The following ANO6 variants were observed in gnomAD, a reference collection of about 807,000 sequenced individuals.
ANO6 encodes the protein anoctamin-6.
In ANO6, 106 loss-of-function variants were observed where a neutral mutation model predicts 117.5. The observed-to-expected ratio is 0.90, with a 90% CI of 0.77 to 1.06. The LOEUF (loss-of-function observed/expected upper bound fraction) is 1.06. Among genes scored for constraint, ANO6 ranks in the 50% least tolerant of loss-of-function variants. ANO6 has a pLI of 0.00. For synonymous variants in ANO6, 367 were observed against 385.1 expected (o/e 0.95, Z 0.55); for missense variants, 955 against 1,121.1 (o/e 0.85, Z 2.12).
rs183729521 is a variant in ANO6 at position 45,303,762 on chromosome 12, G to A, written c.150+1669G>A. ...CTAGAATGCCCAGGGGTGGAACTCC[G>A]GGCTCACAGAATACATTTACCTTAT... On this transcript the variant is annotated intron_variant, in intron 2 of 19. Coordinates refer to ENST00000320560, the MANE Select transcript of ANO6 (RefSeq NM_001025356.3). Among the ~76,000 whole-genome samples, 1,019 of 152,258 alleles carry A rather than the reference G, an allele frequency of 6.7e-3. 4 individuals carry two copies. The highest frequency in any genetic ancestry group is 0.023 in the Admixed American group (347 of 15,290).
At chr12:45,423,606 C>T (rs1346388773) in intron 19 of ANO6, among the ~76,000 whole-genome samples, 3 of 152,116 alleles carry the variant, frequency 2.0e-5, no homozygotes, top group African/African-American at 7.2e-5. Flanking sequence ...TCTATGGTGG[C>T]TTAAATAAGG....
At chr12:45,322,048 CCCACCATGA>C (rs1565688939) in intron 2 of ANO6, among the ~76,000 whole-genome samples, 4 of 152,044 alleles carry the variant, frequency 2.6e-5, no homozygotes, top group Non-Finnish European at 4.4e-5. Flanking sequence ...GGCAGTTTTA[CCCACCATGA>C]CTTTTGCACC....
At chr12:45,399,410 T>G (rs12813734) in intron 12 of ANO6, among the ~76,000 whole-genome samples, 22,589 of 151,902 alleles carry the variant, frequency 0.15, 2,311 homozygotes, top group East Asian at 0.46. Flanking sequence ...TGGCCAGGCT[T>G]GTCTGGAACT....
intron 19 of ANO6, among the ~76,000 whole-genome samples, chr12:45,423,274 G>A (rs1376575832): frequency 2.0e-5 from 3 of 152,108 alleles, no homozygotes; most frequent in Non-Finnish European, 2.9e-5. Flanking sequence ...CATGTTATGC[G>A]CAAAGGGGAT....
At chr12:45,253,052 T>A (rs2137191988) in intron 1 of ANO6, among the ~76,000 whole-genome samples, 1 of 152,346 alleles carries the variant, frequency 6.6e-6, no homozygotes, top group South Asian at 2.1e-4. Flanking sequence ...GGTATAACAT[T>A]GTTTTATTAA....
rs577452915 is a variant in ANO6 at position 45,337,990 on chromosome 12, A to G, written c.279+6567A>G. Among the ~76,000 whole-genome samples the G allele has an allele frequency of 4.3e-4, 66 of 152,202 alleles. 1 individual carries two copies. The highest frequency in any genetic ancestry group is 1.6e-3 in the African/African-American group (66 of 41,560). ...ATATCAAGAATGAAAGTAATTAAAG[A>G]CTAAATCAGGGTAAAAGAAATATAA... On this transcript the variant is annotated intron_variant, in intron 3 of 19. Coordinates refer to ENST00000320560, the MANE Select transcript of ANO6 (RefSeq NM_001025356.3).
chr12:45,216,517 C>A, intron 1 of ANO6, 126 bp downstream of exon 1: 1 of 1,097,398 alleles, frequency 9.1e-7, no homozygotes, highest in Non-Finnish European at 1.3e-6. Context: ...CCGCTCCGGG[C>A]AGGGGAGGAA....
At chr12:45,238,301 C>A (rs972053680) in intron 1 of ANO6, among the ~76,000 whole-genome samples, 2 of 151,872 alleles carry the variant, frequency 1.3e-5, no homozygotes, top group Non-Finnish European at 2.9e-5. Context: ...CAGGCACCTG[C>A]CAGCATGACC....
At chr12:45,275,302 C>T (rs541058016) in intron 1 of ANO6, among the ~76,000 whole-genome samples, 140 of 152,290 alleles carry the variant, frequency 9.2e-4, no homozygotes, top group African/African-American at 3.3e-3. Flanking sequence ...CCTCTGACTC[C>T]TGGGTTCAAG....
At chr12:45,336,252 G>A (rs949952888) in intron 3 of ANO6, among the ~76,000 whole-genome samples, 1 of 151,866 alleles carries the variant, frequency 6.6e-6, no homozygotes, top group African/African-American at 2.4e-5. Flanking sequence ...ATATGGCTTG[G>A]TTCCTCATTA....
At chr12:45,353,101 G>A (rs1941324300) in intron 7 of ANO6, among the ~76,000 whole-genome samples, 1 of 145,600 alleles carries the variant, frequency 6.9e-6, no homozygotes, top group Non-Finnish European at 1.5e-5. Context: ...ACAAGAATAC[G>A]TGATACGTGG....
intron 9 of ANO6, among the ~76,000 whole-genome samples, chr12:45,368,050 TTCAAGTAATCA>T (rs1941730972): frequency 6.6e-6 from 1 of 152,210 alleles, no homozygotes; most frequent in Non-Finnish European, 1.5e-5. Context: ...ATTTGAGTAT[TTCAAGTAATCA>T]AAGCAGAAAT....
chr12:45,273,621 A>G (rs1938458184), intron 1 of ANO6, among the ~76,000 whole-genome samples: 1 of 152,178 alleles, frequency 6.6e-6, no homozygotes, highest in Admixed American at 6.5e-5. Context: ...ACATGCTGTG[A>G]GTTAGAAAAA....
At chr12:45,263,647 C>A (rs1938120697) in intron 1 of ANO6, among the ~76,000 whole-genome samples, 1 of 152,096 alleles carries the variant, frequency 6.6e-6, no homozygotes, top group African/African-American at 2.4e-5. Context: ...TACAACTTGC[C>A]TCTGGCAGGA....
intron 3 of ANO6, among the ~76,000 whole-genome samples, chr12:45,340,989 A>G (rs1416726573): frequency 6.6e-6 from 1 of 152,202 alleles, no homozygotes; most frequent in East Asian, 1.9e-4. Context: ...GTGAATTGCC[A>G]TGCCAAAAGA....
At chr12:45,343,311 T>A (rs1941034125) in intron 3 of ANO6, among the ~76,000 whole-genome samples, 1 of 152,166 alleles carries the variant, frequency 6.6e-6, no homozygotes, top group Non-Finnish European at 1.5e-5. Context: ...AATGAAGACA[T>A]TTGTCTCCAA....
chr12:45,328,353 C>T (rs964216472), intron 2 of ANO6, among the ~76,000 whole-genome samples: 1 of 152,068 alleles, frequency 6.6e-6, no homozygotes, highest in Non-Finnish European at 1.5e-5. Flanking sequence ...TCCATACCTG[C>T]AGTTCTTGGC....
intron 1 of ANO6, among the ~76,000 whole-genome samples, chr12:45,252,654 T>C (rs1421154161): frequency 6.6e-6 from 1 of 152,178 alleles, no homozygotes; most frequent in East Asian, 1.9e-4. Context: ...TGTAAAGCAT[T>C]GTATTGTTGG....
intron 1 of ANO6, among the ~76,000 whole-genome samples, chr12:45,269,790 G>A (rs555689022): frequency 6.6e-5 from 10 of 152,268 alleles, no homozygotes; most frequent in South Asian, 4.2e-4. Flanking sequence ...GTACAGTCCC[G>A]TTTAAGATCC....
Sources: allele counts gnomAD v4.1 joint callset (sites outside exome capture counted in the v4.1 genomes callset), GRCh38; gene constraint gnomAD v4.1.1; transcripts MANE v1.5; gene names NCBI Gene and HGNC (gene_info 2026-07-23, HGNC 2026-07-21).